STX3: variants seen among roughly 807,000 people sequenced by gnomAD.
STX3 encodes the protein syntaxin-3.
STX3 carries 19 observed loss-of-function variants against 40.2 expected under a neutral mutation model. The ratio of observed to expected loss-of-function variants is 0.47; its 90% CI spans 0.33 to 0.69. The LOEUF is 0.69. Ranked by LOEUF, STX3 falls within the 30% of genes least tolerant of loss-of-function variation. STX3 has a pLI of 0.02. For synonymous variants in STX3, 122 were observed against 132.2 expected (o/e 0.92, Z 0.53); for missense variants, 364 against 366.7 (o/e 0.99, Z 0.06).
chr11:59,802,324 G>T lies in STX3; in HGVS notation c.*1500G>T, dbSNP rs1865916090. On this transcript the variant is annotated 3_prime_UTR_variant, in exon 11 of 11. Coordinates refer to ENST00000337979, the MANE Select transcript of STX3 (RefSeq NM_004177.5). ...CCCTTAGATCCCCTGCTGGTCTCTG[G>T]CAGTCTCCTTGATTTTGGGTACCAT... The T allele has an allele frequency of 4.1e-6, 4 of 985,344 alleles. No homozygotes were observed. The South Asian group carries it at 1.9e-4, about 46-fold the overall frequency. 61.0% of individuals were successfully genotyped at this position (985,344 alleles called of 1,614,324 possible).
At chr11:59,780,982 G>A (rs1159090350) in intron 2 of STX3, among the ~76,000 whole-genome samples, 1 of 151,802 alleles carries the variant, frequency 6.6e-6, no homozygotes, top group Non-Finnish European at 1.5e-5. Context: ...AAGGAGAATT[G>A]AAACATTAGT....
Position 59,801,099 on chromosome 11 carries a change from C to T in STX3, c.*275C>T. ...ACCTTTTCTCCTGGACTGTGTGGACCCACCCAGCTTTCTTCCTCCCTGTTG... is the reference window on the plus strand; with the variant it reads ...ACCTTTTCTCCTGGACTGTGTGGACTCACCCAGCTTTCTTCCTCCCTGTTG... On this transcript the variant is annotated 3_prime_UTR_variant, in exon 11 of 11. Coordinates refer to ENST00000337979, the MANE Select transcript of STX3 (RefSeq NM_004177.5). 2.9e-6 allele frequency: 4 copies of T among 1,400,360 alleles called. No homozygotes were observed. Among genetic ancestry groups the T allele is most frequent in the East Asian group, 2.6e-5 (1 of 38,732 alleles). 86.7% of individuals were successfully genotyped at this position (1,400,360 alleles called of 1,614,324 possible).
In STX3 at chr11:59,801,712, T is replaced by G. The variant is rs1865894242; in HGVS notation, c.*888T>G. Reference sequence around the variant, plus strand: ...CTCTGGAAATATTTCATGACACTGGTGTATTCACTCATGTGTTCCAGATGT... The same window carrying G: ...CTCTGGAAATATTTCATGACACTGGGGTATTCACTCATGTGTTCCAGATGT... On this transcript the variant is annotated 3_prime_UTR_variant, in exon 11 of 11. Transcript: ENST00000337979. The G allele has an allele frequency of 5.1e-6, 5 of 985,742 alleles. No homozygotes were observed. The South Asian group carries it at 2.3e-4, about 46-fold the overall frequency. The allele number at this position is 985,742 out of a possible 1,614,324, so 61.1% of individuals were successfully genotyped here. A position where few individuals can be genotyped will look rare whatever the true frequency, so the allele number is the denominator to read the frequency against.
intron 2 of STX3, 101 bp from the exon 3 acceptor site, chr11:59,786,936 A>G: frequency 1.1e-5 from 11 of 972,860 alleles, no homozygotes; most frequent in Non-Finnish European, 1.7e-5. Flanking sequence ...ACAAACCCAG[A>G]AGATGGGCAG....
chr11:59,802,099 T>G lies in STX3; in HGVS notation c.*1275T>G. 1.0e-6 allele frequency: 1 copy of G among 985,428 alleles called. No homozygotes were observed. Among genetic ancestry groups the G allele is most frequent in the Non-Finnish European group, 1.2e-6 (1 of 829,940 alleles). The allele number at this position is 985,428 out of a possible 1,614,324, so 61.0% of individuals were successfully genotyped here. ...CTGAGAACATCCCTCAGTAACTTGA[T>G]ATTCACATGACCTACAGGATGTCCC... On this transcript the variant is annotated 3_prime_UTR_variant, in exon 11 of 11. Transcript: ENST00000337979.
rs2135061594 is a variant in STX3 at position 59,805,183 on chromosome 11, A to AAAAAAC, written c.*4364_*4365insCAAAAA. On this transcript the variant is annotated 3_prime_UTR_variant, in exon 11 of 11. Transcript: ENST00000337979. ...CAAGAGCTAAATTCCATCTAAAAAA[A>AAAAAAC]AAAAAAAAACAAAAAAAAAAAACTG... 6.7e-6 allele frequency: 1 copy of AAAAAAC among 150,084 alleles called. No homozygotes were observed. The highest frequency in any genetic ancestry group is 2.5e-5 in the African/African-American group (1 of 40,010). 9.3% of individuals were successfully genotyped at this position (150,084 alleles called of 1,614,324 possible).
chr11:59,774,350 G>T (rs997343990), intron 2 of STX3, among the ~76,000 whole-genome samples: 1 of 151,440 alleles, frequency 6.6e-6, no homozygotes, highest in Non-Finnish European at 1.5e-5. Context: ...CCACAGGTGG[G>T]ATCACCTGAG....
chr11:59,778,809 A>T (rs1864158959), intron 2 of STX3, among the ~76,000 whole-genome samples: 2 of 150,196 alleles, frequency 1.3e-5, no homozygotes. Context: ...ATTAATAAGG[A>T]TGAAAGTTTT....
chr11:59,798,759 C>T (rs371550349), intron 10 of STX3, among the ~76,000 whole-genome samples: 1 of 151,996 alleles, frequency 6.6e-6, no homozygotes, highest in Non-Finnish European at 1.5e-5. Flanking sequence ...GGTGATCCAC[C>T]CGCCTCGGCC....
At chr11:59,779,593 T>A (rs1380614924) in intron 2 of STX3, among the ~76,000 whole-genome samples, 1 of 152,258 alleles carries the variant, frequency 6.6e-6, no homozygotes, top group African/African-American at 2.4e-5. Flanking sequence ...TGCAGTTACT[T>A]ATATTCATTT....
intron 1 of STX3, among the ~76,000 whole-genome samples, chr11:59,765,894 A>G (rs578217262): frequency 6.6e-6 from 1 of 152,338 alleles, no homozygotes; most frequent in Admixed American, 6.5e-5. Context: ...CTGGATTTAT[A>G]AAGAAGCATC....
intron 1 of STX3, among the ~76,000 whole-genome samples, chr11:59,766,617 A>G (rs947041383): frequency 4.6e-5 from 7 of 152,172 alleles, no homozygotes; most frequent in African/African-American, 1.7e-4. Flanking sequence ...AATTGATGAG[A>G]AAGGCTTAAT....
At chr11:59,774,691 TG>T (rs1343479014) in intron 2 of STX3, among the ~76,000 whole-genome samples, 2 of 151,764 alleles carry the variant, frequency 1.3e-5, no homozygotes, top group Non-Finnish European at 2.9e-5. Context: ...ATTAGCTGGG[TG>T]TGGTGGTGGG....
chr11:59,789,579 T>C (rs1864986567), intron 4 of STX3, among the ~76,000 whole-genome samples: 1 of 152,152 alleles, frequency 6.6e-6, no homozygotes, highest in Non-Finnish European at 1.5e-5. Context: ...TTGTTGGGAT[T>C]ACAGGCATGC....
At chr11:59,765,019 C>T (rs1046869132) in intron 1 of STX3, among the ~76,000 whole-genome samples, 1 of 151,986 alleles carries the variant, frequency 6.6e-6, no homozygotes, top group Admixed American at 6.5e-5. Flanking sequence ...AGGATTTATT[C>T]TGCAGTGTCT....
intron 4 of STX3, 33 bp downstream of exon 4, chr11:59,788,980 C>T (rs1479680765): frequency 3.2e-6 from 5 of 1,573,150 alleles, no homozygotes; most frequent in African/African-American, 1.4e-5. Flanking sequence ...AAGGCCGTCC[C>T]CACCACCATC....
At chr11:59,766,885 G>A (rs1312368197) in intron 1 of STX3, among the ~76,000 whole-genome samples, 2 of 152,172 alleles carry the variant, frequency 1.3e-5, no homozygotes, top group African/African-American at 4.8e-5. Flanking sequence ...ACTGCAGATG[G>A]GATTCGTTGA....
chr11:59,802,542 CAA>C lies in STX3; in HGVS notation c.*1721_*1722del. ...GTGGATGGGCTCCAGCAACAAGAGA[CAA>C]AATAACTAAAGGCCTTTGCTCTCCT... On this transcript the variant is annotated 3_prime_UTR_variant, in exon 11 of 11. Coordinates refer to ENST00000337979, the MANE Select transcript of STX3 (RefSeq NM_004177.5). 1 of 985,810 alleles carries C rather than the reference CAA, an allele frequency of 1.0e-6. No individual in the cohort carries two copies. The allele number at this position is 985,810 out of a possible 1,614,324, so 61.1% of individuals were successfully genotyped here.
chr11:59,769,956 GGT>G (rs1863500333), intron 1 of STX3, among the ~76,000 whole-genome samples: 1 of 150,306 alleles, frequency 6.7e-6, no homozygotes, highest in South Asian at 2.1e-4. Flanking sequence ...TGTGGGTGTC[GGT>G]GTGTGGGAGC....
Sources: allele counts gnomAD v4.1 joint callset (sites outside exome capture counted in the v4.1 genomes callset), GRCh38; gene constraint gnomAD v4.1.1; transcripts MANE v1.5; gene names NCBI Gene and HGNC (gene_info 2026-07-23, HGNC 2026-07-21).